ATM: variants seen among roughly 807,000 people sequenced by gnomAD.
The protein encoded by ATM is ATM serine/threonine kinase.
Under a neutral mutation model 387.0 loss-of-function variants are expected in ATM, and 308 were observed. The ratio of observed to expected loss-of-function variants is 0.80; its 90% CI spans 0.73 to 0.87. The LOEUF is 0.87. Among genes scored for constraint, ATM ranks in the 40% least tolerant of loss-of-function variants. The pLI is 0.00. For missense variants in ATM, 3,312 were observed against 3,560.9 expected (o/e 0.93, Z 1.78); for synonymous variants, 1,156 against 1,187.3 (o/e 0.97, Z 0.54).
At position 108,365,388 on chromosome 11, in the gene ATM, G is replaced by A. The variant is rs1467393169; in HGVS notation, c.9051G>A (p.Leu3017=). The A allele has an allele frequency of 6.2e-7, 1 of 1,614,186 alleles. No individual in the cohort carries two copies. The highest frequency in any genetic ancestry group is 2.2e-5 in the East Asian group (1 of 44,872). Reference sequence around the variant, plus strand: ...TCTTAATGAGACTACAAGAGAAACTGAAAGGAGTGGAAGAAGGCACTGTGC... The same window carrying A: ...TCTTAATGAGACTACAAGAGAAACTAAAAGGAGTGGAAGAAGGCACTGTGC... ...ERVLMRLQEK[L]KGVEEGTVLS... is the part of the protein sequence containing the mutation. The change falls in exon 63 of 63, where the codon CTG becomes CTA. Residue 3017 remains leucine (L), a synonymous_variant. Transcript: ENST00000675843.
chr11:108,282,107 A>G (rs1004717688), intron 24 of ATM, among the ~76,000 whole-genome samples: 2 of 150,286 alleles, frequency 1.3e-5, no homozygotes, highest in African/African-American at 4.9e-5. Context: ...GACTACAGGC[A>G]TGTGCCACCA....
intron 16 of ATM, among the ~76,000 whole-genome samples, chr11:108,263,908 A>G (rs1039580080): frequency 4.7e-5 from 7 of 150,252 alleles, no homozygotes; most frequent in Admixed American, 4.0e-4. Flanking sequence ...CTGGACACAT[A>G]CACTCTCCCA....
At chr11:108,299,601 G>A in intron 33 of ATM, 113 bp from the exon 34 acceptor site, 12 of 1,135,112 alleles carry the variant, frequency 1.1e-5, no homozygotes, top group Non-Finnish European at 1.3e-5. Context: ...TCGGCCTTAA[G>A]GTTAATTCTT....
At chr11:108,259,200 G>T in intron 16 of ATM, 125 bp downstream of exon 16, 1 of 888,402 alleles carries the variant, frequency 1.1e-6, no homozygotes. Context: ...TACAAATGTG[G>T]AAATTAAGGC....
At chr11:108,342,949 A>C (rs1363305332) in intron 56 of ATM, among the ~76,000 whole-genome samples, 1 of 152,210 alleles carries the variant, frequency 6.6e-6, no homozygotes, top group Non-Finnish European at 1.5e-5. Flanking sequence ...GATGACGGTG[A>C]GTATAGTTAA....
At chr11:108,329,946 T>G (rs1002582817) in intron 49 of ATM, among the ~76,000 whole-genome samples, 2 of 152,256 alleles carry the variant, frequency 1.3e-5, no homozygotes, top group African/African-American at 2.4e-5. Context: ...AAGCCTGTCT[T>G]GAATCTGTAT....
chr11:108,295,387 C>T (rs1398986495), intron 32 of ATM: 4 of 312,898 alleles, frequency 1.3e-5, no homozygotes, highest in Non-Finnish European at 2.4e-5. Context: ...AGTGTAGTGG[C>T]ACCATCATAA....
At chr11:108,287,369 GGGGGCCTTGTTT>G (rs1182635022) in intron 26 of ATM, 1 of 344,108 alleles carries the variant, frequency 2.9e-6, no homozygotes, top group Non-Finnish European at 5.2e-6. Context: ...ATTGGATTAA[GGGGGCCTTGTTT>G]GGCTGATTTT....
chr11:108,272,973 T>G, intron 22 of ATM, 121 bp downstream of exon 22: 1 of 1,227,816 alleles, frequency 8.1e-7, no homozygotes, highest in Non-Finnish European at 1.2e-6. Context: ...GTATATACGG[T>G]GTGCCTGGCA....
At chr11:108,356,478 G>C (rs2089933223) in intron 61 of ATM, among the ~76,000 whole-genome samples, 1 of 148,790 alleles carries the variant, frequency 6.7e-6, no homozygotes, top group Non-Finnish European at 1.5e-5. Flanking sequence ...GGAGGTTGTA[G>C]TGAGCTGAAA....
At chr11:108,281,462 G>C (rs1474643067) in intron 24 of ATM, among the ~76,000 whole-genome samples, 1 of 152,156 alleles carries the variant, frequency 6.6e-6, no homozygotes, top group Non-Finnish European at 1.5e-5. Context: ...TATTTATTGA[G>C]GGAAACACAT....
Position 108,310,168 on chromosome 11 carries a change from C to A in ATM, c.5771C>A (p.Ser1924Ter), listed in dbSNP as rs876658831. The A allele has an allele frequency of 1.2e-6, 2 of 1,613,236 alleles. No individual in the cohort carries two copies. The highest frequency in any genetic ancestry group is 1.7e-6 in the Non-Finnish European group (2 of 1,179,594). ...ATCTCATTTTTCTTTAGACCTTCTT[C>A]AGGAACAATTTTTAATGATGCTTTC... Reference protein sequence around the residue: ...DYMRRQKRPSSGTIFNDAFWL... With the variant: ...DYMRRQKRPS Residue 1924 changes from serine (S) to a stop codon, truncating the protein, a stop_gained, in exon 39 of 63, where the codon TCA becomes TAA. Coordinates refer to ENST00000675843, the MANE Select transcript of ATM (RefSeq NM_000051.4). LOFTEE classifies it high-confidence loss of function.
chr11:108,257,811 A>G (rs569725502), intron 15 of ATM, among the ~76,000 whole-genome samples: 4 of 152,306 alleles, frequency 2.6e-5, no homozygotes, highest in Admixed American at 2.0e-4. Flanking sequence ...AGTGTAGCCT[A>G]TGCAGGGAAT....
intron 61 of ATM, among the ~76,000 whole-genome samples, chr11:108,359,823 A>G (rs2090486984): frequency 6.6e-6 from 1 of 152,188 alleles, no homozygotes; most frequent in Non-Finnish European, 1.5e-5. Context: ...TTATAGCACT[A>G]AATGCCCACA....
intron 18 of ATM, 48 bp from the exon 19 acceptor site, chr11:108,271,016 T>A: frequency 6.7e-7 from 1 of 1,502,472 alleles, no homozygotes; most frequent in Non-Finnish European, 9.3e-7. Context: ...CTTTTTAAAG[T>A]AAATGATTTG....
rs2086390522 is a variant in ATM, at chr11:108,332,692, T to G, written c.7789-70T>G. 2.6e-6 allele frequency: 4 copies of G among 1,521,990 alleles called. No individual in the cohort carries two copies. The South Asian group carries it at 4.7e-5, about 18-fold the overall frequency. 94.3% of individuals were successfully genotyped at this position (1,521,990 alleles called of 1,614,324 possible). A position where few individuals can be genotyped will look rare whatever the true frequency, so the allele number is the denominator to read the frequency against. ...TGCATAAATTCTGTTTTTCTCTTTG[T>G]TTTTCTAACTCTGAGAAGTTTAAAT... is the stretch of plus-strand genomic sequence containing the variant. On this transcript the variant is annotated intron_variant, in intron 52 of 62. Transcript: ENST00000675843.
Position 108,256,330 on chromosome 11 carries a change from A to G in ATM, c.2240A>G (p.Gln747Arg), listed in dbSNP as rs2135394698. 1.9e-6 allele frequency: 3 copies of G among 1,610,144 alleles called. No homozygotes were observed. The highest frequency in any genetic ancestry group is 2.5e-6 in the Non-Finnish European group (3 of 1,177,394). The part of the protein sequence containing the change: ...EEEAYKSELF[Q>R]KAKSLMQCAG... ...GAAGCATATAAGTCAGAATTATTCC[A>G]GAAAGCCAAGGTAGGAGAATTTATA... The change falls in exon 14 of 63, where the codon CAG becomes CGG. Residue 747 changes from glutamine to arginine, a missense_variant. Coordinates refer to ENST00000675843, the MANE Select transcript of ATM (RefSeq NM_000051.4).
Position 108,243,934 on chromosome 11 carries a change from ATT to A in ATM, c.497-5_497-4del, listed in dbSNP as rs768748099. 238 of 1,194,512 alleles carry A rather than the reference ATT, an allele frequency of 2.0e-4. No homozygotes were observed. The highest frequency in any genetic ancestry group is 3.7e-4 in the Admixed American group (15 of 40,212). The allele number at this position is 1,194,512 out of a possible 1,614,324, so 74.0% of individuals were successfully genotyped here. A position where few individuals can be genotyped will look rare whatever the true frequency, so the allele number is the denominator to read the frequency against. ...GATTTTTAAAAAATCATGACTAATAATTTTTTTTTTTTTTTAAGAATTGTTCT... is the reference window on the plus strand; with the variant it reads ...GATTTTTAAAAAATCATGACTAATAATTTTTTTTTTTTTAAGAATTGTTCT... On this transcript the variant is annotated splice_polypyrimidine_tract_variant and intron_variant, in intron 5 of 62. Coordinates refer to ENST00000675843, the MANE Select transcript of ATM (RefSeq NM_000051.4).
rs1800056 is a variant in ATM at position 108,267,276 on chromosome 11, T to C, written c.2572T>C (p.Phe858Leu). Reference sequence around the variant, plus strand: ...GGAGGATCAGTCATCCATGAATCTATTTAACGATTACCCTGATAGTAGTGT... The same window carrying C: ...GGAGGATCAGTCATCCATGAATCTACTTAACGATTACCCTGATAGTAGTGT... ...EVEDQSSMNL[F>L]NDYPDSSVSD... Residue 858 changes from phenylalanine to leucine, a missense_variant, in exon 17 of 63, where the codon TTT becomes CTT. Coordinates refer to ENST00000675843, the MANE Select transcript of ATM (RefSeq NM_000051.4). 18,110 of 1,614,054 alleles carry C rather than the reference T, an allele frequency of 0.011. 133 individuals carry two copies. Among genetic ancestry groups the C allele is most frequent in the Middle Eastern group, 0.017 (102 of 6,062 alleles).
Sources: gnomAD v4.1 joint callset for allele counts (sites outside exome capture counted in the v4.1 genomes callset) on GRCh38, gnomAD v4.1.1 for gene constraint, MANE v1.5 for transcripts, NCBI Gene and HGNC (gene_info 2026-07-23, HGNC 2026-07-21) for gene names.